The following SNTG1 variants were observed in gnomAD, a reference collection of about 807,000 sequenced individuals.
The protein encoded by SNTG1 is gamma-1-syntrophin.
Under a neutral mutation model 74.7 loss-of-function variants are expected in SNTG1, and 39 were observed. The ratio of observed to expected loss-of-function variants is 0.52; its 90% CI spans 0.40 to 0.68. The LOEUF (loss-of-function observed/expected upper bound fraction) is 0.68. Among genes scored for constraint, SNTG1 ranks in the 30% least tolerant of loss-of-function variants. The pLI, the probability that SNTG1 is intolerant of heterozygous loss-of-function variation, is 0.00. For synonymous variants in SNTG1, 254 were observed against 217.1 expected (o/e 1.17, Z -1.49); for missense variants, 685 against 609.5 (o/e 1.12, Z -1.30).
intron 1 of SNTG1, among the ~76,000 whole-genome samples, chr8:50,050,328 G>C (rs1819460213): frequency 6.6e-6 from 1 of 151,850 alleles, no homozygotes; most frequent in African/African-American, 2.4e-5. Flanking sequence ...ACAAGCCTGT[G>C]CTTACAAATT....
At chr8:49,949,373 G>A (rs1352964575) in intron 1 of SNTG1, among the ~76,000 whole-genome samples, 1 of 152,124 alleles carries the variant, frequency 6.6e-6, no homozygotes, top group African/African-American at 2.4e-5. Context: ...TGAATCCTTA[G>A]GTGTTGGACT....
intron 1 of SNTG1, among the ~76,000 whole-genome samples, chr8:49,937,149 A>AAAAC (rs373900527): frequency 3.9e-5 from 6 of 151,964 alleles, no homozygotes; most frequent in East Asian, 1.9e-4. Context: ...ACTCCGTCTC[A>AAAAC]AAACAAACAA....
intron 1 of SNTG1, among the ~76,000 whole-genome samples, chr8:50,151,088 AGCCTGTT>A (rs2082052146): frequency 6.6e-6 from 1 of 151,960 alleles, no homozygotes; most frequent in Non-Finnish European, 1.5e-5. Context: ...TCAATTTCAG[AGCCTGTT>A]ATTGGTCTAT....
chr8:50,151,497 A>C (rs1206640495), intron 1 of SNTG1, among the ~76,000 whole-genome samples: 2 of 151,660 alleles, frequency 1.3e-5, no homozygotes, highest in Admixed American at 1.3e-4. Flanking sequence ...TTTAATTGTG[A>C]TGTTAGGGTG....
intron 13 of SNTG1, among the ~76,000 whole-genome samples, chr8:50,592,947 ACT>A (rs1163062331): frequency 6.6e-6 from 1 of 152,078 alleles, no homozygotes; most frequent in African/African-American, 2.4e-5. Context: ...AATTAGGAAA[ACT>A]CACTGCACAG....
chr8:50,200,568 C>T (rs1017204523), intron 2 of SNTG1, among the ~76,000 whole-genome samples: 3 of 150,686 alleles, frequency 2.0e-5, no homozygotes, highest in South Asian at 4.2e-4. Flanking sequence ...TCCATCCAGG[C>T]GCTTACTGAA....
chr8:49,969,900 G>C (rs867798875), intron 1 of SNTG1, among the ~76,000 whole-genome samples: 2 of 142,048 alleles, frequency 1.4e-5, no homozygotes, highest in African/African-American at 5.2e-5. Context: ...GCTGCTTTTT[G>C]ATGGTGGAAT....
intron 8 of SNTG1, among the ~76,000 whole-genome samples, chr8:50,468,359 T>C (rs1373063542): frequency 1.3e-5 from 2 of 152,094 alleles, no homozygotes; most frequent in African/African-American, 2.4e-5. Context: ...TACTGGTTTA[T>C]CTTACTTAAT....
intron 13 of SNTG1, among the ~76,000 whole-genome samples, chr8:50,597,840 G>T (rs938394011): frequency 1.3e-5 from 2 of 151,880 alleles, no homozygotes; most frequent in Non-Finnish European, 2.9e-5. Flanking sequence ...AAATGTAAAT[G>T]TTGGCCATTT....
chr8:50,310,758 T>A (rs1222340120), intron 2 of SNTG1, among the ~76,000 whole-genome samples: 4 of 152,178 alleles, frequency 2.6e-5, no homozygotes, highest in African/African-American at 9.7e-5. Context: ...TCTGTGAAGC[T>A]ATTAAAGTGT....
chr8:50,152,163 G>C (rs13438861), intron 1 of SNTG1, among the ~76,000 whole-genome samples: 4,183 of 152,056 alleles, frequency 0.028, 218 homozygotes, highest in African/African-American at 0.094. Context: ...TTATGTAATG[G>C]CCTTCTTTGT....
At chr8:50,650,769 C>T (rs1300874805) in intron 13 of SNTG1, among the ~76,000 whole-genome samples, 1 of 152,086 alleles carries the variant, frequency 6.6e-6, no homozygotes, top group Non-Finnish European at 1.5e-5. Flanking sequence ...GGTGCCATCT[C>T]AGCTCTCTGC....
At chr8:50,739,674 T>C (rs2095538194) in intron 17 of SNTG1, among the ~76,000 whole-genome samples, 1 of 151,480 alleles carries the variant, frequency 6.6e-6, no homozygotes, top group Admixed American at 6.6e-5. Context: ...GAACTTAAAG[T>C]ATAATAAAAA....
At chr8:50,464,669 G>A (rs1011282046) in intron 8 of SNTG1, among the ~76,000 whole-genome samples, 7 of 152,082 alleles carry the variant, frequency 4.6e-5, no homozygotes, top group East Asian at 1.9e-4. Flanking sequence ...GGACTGGGAG[G>A]TGGAGATTAA....
At chr8:50,627,457 G>A (rs1347502499) in intron 13 of SNTG1, among the ~76,000 whole-genome samples, 1 of 152,084 alleles carries the variant, frequency 6.6e-6, no homozygotes. Flanking sequence ...TTTGGAAGCA[G>A]ACAAAGTGGG....
intron 18 of SNTG1, among the ~76,000 whole-genome samples, chr8:50,778,819 G>T (rs1214401187): frequency 6.6e-6 from 1 of 151,504 alleles, no homozygotes; most frequent in African/African-American, 2.4e-5. Context: ...TTTTCTTCTA[G>T]GGTTTTTATG....
rs1257552125 is a variant in SNTG1 at position 50,180,752 on chromosome 8, T to C, written c.-28+8117T>C. Among the ~76,000 whole-genome samples, 3 of 51,574 alleles carry C rather than the reference T, an allele frequency of 5.8e-5. No homozygotes were observed. The East Asian group carries it at 1.0e-3, about 18-fold the overall frequency. 33.8% of individuals were successfully genotyped at this position (51,574 alleles called of 152,430 possible). Reference sequence around the variant, plus strand: ...CGTTTCCCACCAGATTGTGAAGCCTTTTTTTTTTTTTTTTTTTTTTTTTTT... The same window carrying C: ...CGTTTCCCACCAGATTGTGAAGCCTCTTTTTTTTTTTTTTTTTTTTTTTTT... On this transcript the variant is annotated intron_variant, in intron 2 of 18. Transcript: ENST00000642720.
chr8:50,418,231 C>CA (rs1456904228), intron 4 of SNTG1, among the ~76,000 whole-genome samples: 1 of 152,128 alleles, frequency 6.6e-6, no homozygotes, highest in Non-Finnish European at 1.5e-5. Context: ...TCTTCAACTT[C>CA]ACTAGTTATT....
chr8:50,576,738 T>C lies in SNTG1; in HGVS notation c.811-14141T>C, dbSNP rs190373188. ...CTTTTGATACTATTATAAATAAAAATTTTAAGTTTTCTTTTCAGATTGTTC... is the reference window on the plus strand; with the variant it reads ...CTTTTGATACTATTATAAATAAAAACTTTAAGTTTTCTTTTCAGATTGTTC... On this transcript the variant is annotated intron_variant, in intron 12 of 18. Coordinates refer to ENST00000642720, the MANE Select transcript of SNTG1 (RefSeq NM_018967.5). Among the ~76,000 whole-genome samples, 645 of 152,140 alleles carry C rather than the reference T, an allele frequency of 4.2e-3. 9 individuals carry two copies. Among genetic ancestry groups the C allele is most frequent in the African/African-American group, 0.014 (584 of 41,554 alleles).
Sources: gnomAD v4.1 joint callset for allele counts (sites outside exome capture counted in the v4.1 genomes callset) on GRCh38, gnomAD v4.1.1 for gene constraint, MANE v1.5 for transcripts, NCBI Gene and HGNC (gene_info 2026-07-23, HGNC 2026-07-21) for gene names.